Variants in COL9A1 observed in about 807,000 individuals in gnomAD.
The protein encoded by COL9A1 is collagen type IX alpha 1 chain.
COL9A1 carries 104 observed loss-of-function variants against 142.6 expected under a neutral mutation model. That is an observed-to-expected ratio of 0.73 (90% CI 0.62 to 0.86). The LOEUF (loss-of-function observed/expected upper bound fraction) is 0.86. Among genes scored for constraint, COL9A1 ranks in the 40% least tolerant of loss-of-function variants. COL9A1 has a pLI of 0.00. For synonymous variants in COL9A1, 466 were observed against 396.0 expected (o/e 1.18, Z -2.10); for missense variants, 1,210 against 1,176.6 (o/e 1.03, Z -0.42).
intron 18 of COL9A1, among the ~76,000 whole-genome samples, chr6:70,265,789 T>A (rs1223917301): frequency 6.6e-6 from 1 of 152,078 alleles, no homozygotes; most frequent in Non-Finnish European, 1.5e-5. Context: ...TACAGAAAAT[T>A]GGTCTATTTA....
In COL9A1 at chr6:70,252,351, C is replaced by A. The variant is rs748666043; in HGVS notation, c.1765-36G>T. 4 of 1,583,478 alleles carry A rather than the reference C, an allele frequency of 2.5e-6. No homozygotes were observed. The South Asian group carries it at 4.4e-5, about 18-fold the overall frequency. Reference sequence around the variant, plus strand: ...AATGCAACATCCAAAATAACTCATGCTGAAGTAAGCATAATCATCAATCTG... The same window carrying A: ...AATGCAACATCCAAAATAACTCATGATGAAGTAAGCATAATCATCAATCTG... On this transcript the variant is annotated intron_variant, in intron 26 of 37. Transcript: ENST00000357250.
chr6:70,234,328 A>G (rs951297726), intron 35 of COL9A1, among the ~76,000 whole-genome samples: 2 of 151,742 alleles, frequency 1.3e-5, no homozygotes, highest in African/African-American at 4.8e-5. Context: ...GATAACCAGA[A>G]AAGTAATATT....
Position 70,280,799 on chromosome 6 carries a change from C to T in COL9A1, c.975+13G>A, listed in dbSNP as rs886999008. 5.6e-6 allele frequency: 9 copies of T among 1,610,796 alleles called. No homozygotes were observed. Among genetic ancestry groups the T allele is most frequent in the Middle Eastern group, 1.6e-4 (1 of 6,068 alleles). On this transcript the variant is annotated intron_variant, in intron 10 of 37. Transcript: ENST00000357250. ...CCCCAGGCTGGGCGCCCTCCCAGCA[C>T]TCGCCTACTCACATCAGCGCCAGGT...
intron 33 of COL9A1, among the ~76,000 whole-genome samples, chr6:70,235,873 G>A (rs1046599732): frequency 2.3e-4 from 35 of 152,096 alleles, no homozygotes; most frequent in African/African-American, 8.0e-4. Context: ...CCAGCACTTT[G>A]GGAGGCCCAG....
At chr6:70,270,405 T>C (rs370408686) in intron 14 of COL9A1, 38 bp from the exon 15 acceptor site, 537 of 1,589,752 alleles carry the variant, frequency 3.4e-4, no homozygotes, top group Non-Finnish European at 4.4e-4. Flanking sequence ...TGGTTATACA[T>C]GTGTCAAAAC....
chr6:70,278,515 T>C (rs901876101), intron 10 of COL9A1, among the ~76,000 whole-genome samples: 2 of 152,224 alleles, frequency 1.3e-5, no homozygotes, highest in African/African-American at 4.8e-5. Flanking sequence ...ATAGTATAGT[T>C]GATTTTTCCC....
Position 70,283,826 on chromosome 6 carries a change from G to A in COL9A1, c.697-6C>T, listed in dbSNP as rs1462901079. ...AGCATCCATTGAAGTTCAAACTGGA[G>A]AAAGGTAGTAGACAGTCAGGTAAGG... On this transcript the variant is annotated splice_polypyrimidine_tract_variant and splice_region_variant and intron_variant, in intron 5 of 37. Transcript: ENST00000357250. 1 of 1,600,044 alleles carries A rather than the reference G, an allele frequency of 6.2e-7. No individual in the cohort carries two copies. Among genetic ancestry groups the A allele is most frequent in the East Asian group, 2.2e-5 (1 of 44,650 alleles).
intron 28 of COL9A1, among the ~76,000 whole-genome samples, chr6:70,249,774 C>A (rs1030782581): frequency 1.3e-5 from 2 of 151,084 alleles, no homozygotes; most frequent in East Asian, 4.0e-4. Flanking sequence ...AGAGAATCAA[C>A]CCCCTACCCC....
chr6:70,282,682 C>T (rs1263668783), intron 7 of COL9A1, among the ~76,000 whole-genome samples: 3 of 152,186 alleles, frequency 2.0e-5, no homozygotes, highest in Non-Finnish European at 4.4e-5. Context: ...GTAGGGAGGA[C>T]CCAGATTGGG....
At chr6:70,282,115 G>A (rs1773202156) in intron 7 of COL9A1, among the ~76,000 whole-genome samples, 1 of 152,132 alleles carries the variant, frequency 6.6e-6, no homozygotes, top group African/African-American at 2.4e-5. Flanking sequence ...TTTATCGCTT[G>A]CAAACAGCTG....
rs1410139910 is a variant in COL9A1 at position 70,240,676 on chromosome 6, A to C, written c.2079+13T>G. ...GTAAAGCTTCATCATTAACCAGAAAAAAAAAATCTTACAAGTTCCCCCCTT... is the reference window on the plus strand; with the variant it reads ...GTAAAGCTTCATCATTAACCAGAAACAAAAAATCTTACAAGTTCCCCCCTT... On this transcript the variant is annotated intron_variant, in intron 32 of 37. Transcript: ENST00000357250. The C allele has an allele frequency of 6.2e-7, 1 of 1,609,994 alleles. No homozygotes were observed. Among genetic ancestry groups the C allele is most frequent in the African/African-American group, 1.3e-5 (1 of 74,688 alleles).
chr6:70,237,994 T>C (rs1384817369), intron 33 of COL9A1, among the ~76,000 whole-genome samples: 1 of 152,154 alleles, frequency 6.6e-6, no homozygotes, highest in African/African-American at 2.4e-5. Context: ...TAAAAGAAAC[T>C]GCAAATGGAT....
intron 36 of COL9A1, among the ~76,000 whole-genome samples, chr6:70,229,838 C>A (rs1769442161): frequency 6.6e-6 from 1 of 152,078 alleles, no homozygotes; most frequent in African/African-American, 2.4e-5. Flanking sequence ...TAGATATAAC[C>A]TAAGCTTTGA....
intron 20 of COL9A1, among the ~76,000 whole-genome samples, chr6:70,259,640 C>T (rs144144878): frequency 6.6e-6 from 1 of 152,262 alleles, no homozygotes; most frequent in East Asian, 1.9e-4. Flanking sequence ...CATGGGCCCT[C>T]TCAGTTTCCC....
At chr6:70,300,409 T>C (rs368925298) in intron 2 of COL9A1, 23 bp from the exon 3 acceptor site, 2 of 1,350,616 alleles carry the variant, frequency 1.5e-6, no homozygotes, top group Non-Finnish European at 2.1e-6. Context: ...TAGCATGTCA[T>C]TCTACTTCAT....
chr6:70,286,979 C>T (rs1406844), intron 5 of COL9A1, among the ~76,000 whole-genome samples: 11,819 of 152,178 alleles, frequency 0.078, 664 homozygotes, highest in East Asian at 0.24. Context: ...AAATGTCTAC[C>T]ATATAAGGCA....
chr6:70,302,099 C>G, intron 1 of COL9A1, 25 bp from the exon 2 acceptor site: 3 of 1,552,872 alleles, frequency 1.9e-6, no homozygotes, highest in Non-Finnish European at 2.7e-6. Context: ...AGAAAAATGA[C>G]TGAAACAGGA....
At chr6:70,231,078 G>C (rs946141026) in intron 36 of COL9A1, among the ~76,000 whole-genome samples, 1 of 152,166 alleles carries the variant, frequency 6.6e-6, no homozygotes. Flanking sequence ...TGTTAAACTA[G>C]ACAGCTAGAC....
rs775994863 is a variant in COL9A1 at position 70,283,002 on chromosome 6, C to G, written c.781-84G>C. The G allele has an allele frequency of 2.5e-6, 4 of 1,613,484 alleles. No individual in the cohort carries two copies. The East Asian group carries it at 8.9e-5, about 36-fold the overall frequency. Reference sequence around the variant, plus strand: ...TTACTTGAGCCGCGCACAAGCAGAGCCCCAACAGCAGCAGCCCCAGGGCCC... The same window carrying G: ...TTACTTGAGCCGCGCACAAGCAGAGGCCCAACAGCAGCAGCCCCAGGGCCC... On this transcript the variant is annotated intron_variant, in intron 6 of 37. Transcript: ENST00000357250.
Sources: gnomAD v4.1 joint callset for allele counts (sites outside exome capture counted in the v4.1 genomes callset) on GRCh38, gnomAD v4.1.1 for gene constraint, MANE v1.5 for transcripts, NCBI Gene and HGNC (gene_info 2026-07-23, HGNC 2026-07-21) for gene names.